The following ANKRD34C variants were observed in gnomAD, a reference collection of about 807,000 sequenced individuals.
ANKRD34C encodes the protein ankyrin repeat domain-containing protein 34C.
For missense variants in ANKRD34C, 563 were observed against 653.0 expected (o/e 0.86, Z 1.50); for synonymous variants, 260 against 253.6 (o/e 1.03, Z -0.24).
At chr15:79,286,706 G>A (rs895509952) in intron 1 of ANKRD34C, among the ~76,000 whole-genome samples, 3 of 152,088 alleles carry the variant, frequency 2.0e-5, no homozygotes, top group African/African-American at 7.2e-5. Context: ...GCTCCGAGAT[G>A]ACCCCCAAGC....
Position 79,294,223 on chromosome 15 carries a change from C to T in ANKRD34C, c.939C>T (p.Val313=). 6.4e-7 allele frequency: 1 copy of T among 1,551,514 alleles called. No homozygotes were observed. Among genetic ancestry groups the T allele is most frequent in the Non-Finnish European group, 8.7e-7 (1 of 1,146,906 alleles). ...AAGACCCCACCCTCTTTCACACAGTCACAGAGCAGGTTCTGAAGATTCCAG... is the reference window on the plus strand; with the variant it reads ...AAGACCCCACCCTCTTTCACACAGTTACAGAGCAGGTTCTGAAGATTCCAG... ...DSKDPTLFHT[V]TEQVLKIPVS... Residue 313 remains valine (V), a synonymous_variant, in exon 2 of 2, where the codon GTC becomes GTT. Transcript: ENST00000421388.
At chr15:79,286,080 A>G (rs1489709383) in intron 1 of ANKRD34C, among the ~76,000 whole-genome samples, 1 of 152,190 alleles carries the variant, frequency 6.6e-6, no homozygotes, top group East Asian at 1.9e-4. Context: ...AGAAGGCATC[A>G]TTTTAATTTT....
chr15:79,294,184 C>G lies in ANKRD34C; in HGVS notation c.900C>G (p.Asn300Lys), dbSNP rs1039697550. Residue 300 changes from asparagine to lysine, a missense_variant, in exon 2 of 2, where the codon AAC becomes AAG. Coordinates refer to ENST00000421388, the MANE Select transcript of ANKRD34C (RefSeq NM_001146341.2). ...AAAGGGGGCCCCTCTCCAGAACCAA[C>G]AGTATCGATAGCAAAGACCCCACCC... is the stretch of plus-strand genomic sequence containing the variant. ...FPKRGPLSRT[N>K]SIDSKDPTLF... 6.4e-6 allele frequency: 10 copies of G among 1,551,480 alleles called. No homozygotes were observed. The highest frequency in any genetic ancestry group is 8.7e-6 in the Non-Finnish European group (10 of 1,146,974).
rs768949776 is a variant in ANKRD34C, at chr15:79,294,419, C to A, written c.1135C>A (p.Leu379Ile). 1.3e-6 allele frequency: 2 copies of A among 1,551,638 alleles called. No homozygotes were observed. The highest frequency in any genetic ancestry group is 2.4e-5 in the South Asian group (2 of 84,040). ...ATCCCTCAAATGGCTGGAAAATGACCTCTATGACTTAGATATACAGCCAGG... is the reference window on the plus strand; with the variant it reads ...ATCCCTCAAATGGCTGGAAAATGACATCTATGACTTAGATATACAGCCAGG... ...PASLKWLEND[L>I]YDLDIQPGPD... The change falls in exon 2 of 2, where the codon CTC becomes ATC. Residue 379 changes from leucine to isoleucine, a missense_variant. By Grantham distance (5) the Leu-to-Ile change is conservative. Transcript: ENST00000421388.
intron 1 of ANKRD34C, among the ~76,000 whole-genome samples, chr15:79,289,029 C>G (rs888026073): frequency 1.3e-5 from 2 of 152,006 alleles, no homozygotes; most frequent in South Asian, 4.2e-4. Flanking sequence ...CCATGTTGGC[C>G]AGCTGGTCTC....
At chr15:79,284,416 C>T (rs2058637778) in intron 1 of ANKRD34C, among the ~76,000 whole-genome samples, 1 of 152,208 alleles carries the variant, frequency 6.6e-6, no homozygotes, top group African/African-American at 2.4e-5. Flanking sequence ...TTTTAACTAT[C>T]TGTAAATACT....
In ANKRD34C at chr15:79,296,202, G is replaced by A. The variant is rs1467333036; in HGVS notation, c.*1310G>A. ...AGGGCTTTGAGTCTGACATATTTGG[G>A]TTTGCATACCAGTCTTATCATTTAC... On this transcript the variant is annotated 3_prime_UTR_variant, in exon 2 of 2. Coordinates refer to ENST00000421388, the MANE Select transcript of ANKRD34C (RefSeq NM_001146341.2). 6.0e-6 allele frequency: 1 copy of A among 166,858 alleles called. No homozygotes were observed. The highest frequency in any genetic ancestry group is 1.5e-5 in the Non-Finnish European group (1 of 68,126). 10.3% of individuals were successfully genotyped at this position (166,858 alleles called of 1,614,324 possible).
chr15:79,284,988 C>T (rs1181434121), intron 1 of ANKRD34C, among the ~76,000 whole-genome samples: 1 of 152,152 alleles, frequency 6.6e-6, no homozygotes, highest in Non-Finnish European at 1.5e-5. Flanking sequence ...TTTGAAACAG[C>T]AGTTTCATAT....
chr15:79,289,706 A>G (rs1219701616), intron 1 of ANKRD34C, among the ~76,000 whole-genome samples: 1 of 152,116 alleles, frequency 6.6e-6, no homozygotes, highest in Non-Finnish European at 1.5e-5. Flanking sequence ...TCTTTCCTCC[A>G]TCTTTTCCTT....
At position 79,295,042 on chromosome 15, in the gene ANKRD34C, G is replaced by A. The variant is rs2141203832; in HGVS notation, c.*150G>A. Reference sequence around the variant, plus strand: ...CTTCACTTCTGAGAATAATCCCTGGGTTTTTATAGGCCTACTTGAAAAGAG... The same window carrying A: ...CTTCACTTCTGAGAATAATCCCTGGATTTTTATAGGCCTACTTGAAAAGAG... On this transcript the variant is annotated 3_prime_UTR_variant, in exon 2 of 2. Transcript: ENST00000421388. The A allele has an allele frequency of 3.4e-6, 3 of 873,620 alleles. No homozygotes were observed. In the East Asian group the frequency reaches 8.3e-5, roughly 24 times the overall value. 54.1% of individuals were successfully genotyped at this position (873,620 alleles called of 1,614,324 possible). A position where few individuals can be genotyped will look rare whatever the true frequency, so the allele number is the denominator to read the frequency against.
At position 79,293,807 on chromosome 15, in the gene ANKRD34C, A is replaced by G. The variant is rs1567016592; in HGVS notation, c.523A>G (p.Lys175Glu). 1.9e-6 allele frequency: 3 copies of G among 1,551,620 alleles called. No homozygotes were observed. Among genetic ancestry groups the G allele is most frequent in the Admixed American group, 2.0e-5 (1 of 50,992 alleles). ...GTATCTTAATGTCCCTCCTTCACCCAAAGTAGAAGACAGGCATTCACCTCC... is the reference window on the plus strand; with the variant it reads ...GTATCTTAATGTCCCTCCTTCACCCGAAGTAGAAGACAGGCATTCACCTCC... ...KQYLNVPPSP[K>E]VEDRHSPPLC... The change falls in exon 2 of 2, where the codon AAA becomes GAA. Residue 175 changes from lysine to glutamate, a missense_variant. Physicochemically the swap from Lys to Glu is moderately conservative, Grantham distance 56. Coordinates refer to ENST00000421388, the MANE Select transcript of ANKRD34C (RefSeq NM_001146341.2).
At chr15:79,290,518 G>T (rs2058656506) in intron 1 of ANKRD34C, among the ~76,000 whole-genome samples, 1 of 152,096 alleles carries the variant, frequency 6.6e-6, no homozygotes, top group Admixed American at 6.5e-5. Flanking sequence ...GGCTGGCTGG[G>T]GCTGGCTGGG....
rs1178618388 is a variant in ANKRD34C, at chr15:79,293,357, A to C, written c.73A>C (p.Arg25=). 1 of 1,551,312 alleles carries C rather than the reference A, an allele frequency of 6.4e-7. No individual in the cohort carries two copies. The change falls in exon 2 of 2, where the codon AGG becomes CGG. Residue 25 remains arginine (R), a synonymous_variant. Transcript: ENST00000421388. ...LLKAVWLGRL[R]LTRLLLEGGA... ...AAAGGCTGTGTGGCTGGGGAGGCTC[A>C]GGTTGACCAGGCTGCTCTTGGAAGG... is the stretch of plus-strand genomic sequence containing the variant.
In ANKRD34C at chr15:79,293,804, C is replaced by T. The variant is rs1328456483; in HGVS notation, c.520C>T (p.Pro174Ser). The T allele has an allele frequency of 6.4e-7, 1 of 1,551,738 alleles. No individual in the cohort carries two copies. Among genetic ancestry groups the T allele is most frequent in the South Asian group, 1.2e-5 (1 of 84,060 alleles). Residue 174 changes from proline (P) to serine (S), a missense_variant, in exon 2 of 2, where the codon CCC becomes TCC. Transcript: ENST00000421388. ...TKQYLNVPPS[P>S]KVEDRHSPPL... is the part of the protein sequence containing the mutation. ...ACAGTATCTTAATGTCCCTCCTTCA[C>T]CCAAAGTAGAAGACAGGCATTCACC...
intron 1 of ANKRD34C, among the ~76,000 whole-genome samples, chr15:79,284,640 A>T (rs573391431): frequency 2.0e-5 from 3 of 152,202 alleles, no homozygotes; most frequent in Non-Finnish European, 2.9e-5. Flanking sequence ...GGAATTCTGG[A>T]TGAGCTTAGT....
In ANKRD34C at chr15:79,287,741, G is replaced by A. The variant is rs76687241; in HGVS notation, c.-45+4513G>A. Among the ~76,000 whole-genome samples, 40 of 152,290 alleles carry A rather than the reference G, an allele frequency of 2.6e-4. No homozygotes were observed. In the East Asian group the frequency reaches 7.1e-3, roughly 27 times the overall value. The stretch of plus-strand genomic sequence containing the variant: ...AAGTCAGTTGAAACTTCAGAGGAAG[G>A]AGGAAAAGTACTCTCTCCCTGCCTC... On this transcript the variant is annotated intron_variant, in intron 1 of 1. Coordinates refer to ENST00000421388, the MANE Select transcript of ANKRD34C (RefSeq NM_001146341.2).
chr15:79,294,121 C>T lies in ANKRD34C; in HGVS notation c.837C>T (p.Asn279=), dbSNP rs758979450. The T allele has an allele frequency of 5.6e-5, 87 of 1,551,400 alleles. No individual in the cohort carries two copies. Among genetic ancestry groups the T allele is most frequent in the Non-Finnish European group, 7.1e-5 (82 of 1,147,014 alleles). The change falls in exon 2 of 2, where the codon AAC becomes AAT. Residue 279 remains asparagine, a synonymous_variant. Coordinates refer to ENST00000421388, the MANE Select transcript of ANKRD34C (RefSeq NM_001146341.2). ...QDETHGASTD[N]EVIKSISDIS... is the part of the protein sequence containing the mutation. Reference sequence around the variant, plus strand: ...AGACCCATGGTGCCAGCACAGACAACGAGGTCATCAAGAGCATCAGTGATA... The same window carrying T: ...AGACCCATGGTGCCAGCACAGACAATGAGGTCATCAAGAGCATCAGTGATA...
chr15:79,293,703 A>T lies in ANKRD34C; in HGVS notation c.419A>T (p.Asp140Val), dbSNP rs2058665221. 1 of 1,551,584 alleles carries T rather than the reference A, an allele frequency of 6.4e-7. No homozygotes were observed. The highest frequency in any genetic ancestry group is 8.7e-7 in the Non-Finnish European group (1 of 1,146,980). The change falls in exon 2 of 2, where the codon GAT (aspartate) becomes GTT (valine). Residue 140 changes from aspartate (D) to valine (V), a missense_variant. Physicochemically the swap from Asp to Val is radical, Grantham distance 152. Transcript: ENST00000421388. ...AAGGATGCATTGAAGCATCTCCTTG[A>T]TGCCTGCAAAGCCAAAGGGAAGGAG... ...DDKDALKHLLDACKAKGKEVI... is the reference protein window; with the variant it reads ...DDKDALKHLLVACKAKGKEVI...
rs2058669053 is a variant in ANKRD34C, at chr15:79,295,057, CT to C, written c.*167del. 1 of 760,662 alleles carries C rather than the reference CT, an allele frequency of 1.3e-6. No homozygotes were observed. Among genetic ancestry groups the C allele is most frequent in the Non-Finnish European group, 2.0e-6 (1 of 492,390 alleles). 47.1% of individuals were successfully genotyped at this position (760,662 alleles called of 1,614,324 possible). ...TAATCCCTGGGTTTTTATAGGCCTA[CT>C]TGAAAAGAGCTCAGGATAATTGGGT... is the stretch of plus-strand genomic sequence containing the variant. On this transcript the variant is annotated 3_prime_UTR_variant, in exon 2 of 2. Coordinates refer to ENST00000421388, the MANE Select transcript of ANKRD34C (RefSeq NM_001146341.2).
Sources: gnomAD v4.1 joint callset for allele counts (sites outside exome capture counted in the v4.1 genomes callset) on GRCh38, gnomAD v4.1.1 for gene constraint, MANE v1.5 for transcripts, NCBI Gene and HGNC (gene_info 2026-07-23, HGNC 2026-07-21) for gene names.